BABAM2: variants seen among roughly 807,000 people sequenced by gnomAD.
BABAM2 encodes the protein BRISC and BRCA1-A complex member 2.
Under a neutral mutation model 54.7 loss-of-function variants are expected in BABAM2, and 31 were observed. That is an observed-to-expected ratio of 0.57 (90% CI 0.43 to 0.77). The LOEUF is 0.77. Among genes scored for constraint, BABAM2 ranks in the 30% least tolerant of loss-of-function variants. BABAM2 has a pLI of 0.00. For synonymous variants in BABAM2, 167 were observed against 162.9 expected (o/e 1.03, Z -0.19); for missense variants, 364 against 455.8 (o/e 0.80, Z 1.83).
rs546002142 is a variant in BABAM2, at chr2:28,167,869, T to A, written c.680+38489T>A. Among the ~76,000 whole-genome samples, 28 of 152,250 alleles carry A rather than the reference T, an allele frequency of 1.8e-4. No homozygotes were observed. The East Asian group carries it at 5.4e-3, about 29-fold the overall frequency. ...AATCATGATGTTCAGATGCTAAGTGTTTTTCCTGCACTCTCATTTAATCTG... is the reference window on the plus strand; with the variant it reads ...AATCATGATGTTCAGATGCTAAGTGATTTTCCTGCACTCTCATTTAATCTG... On this transcript the variant is annotated intron_variant, in intron 7 of 11. Coordinates refer to ENST00000379624, the MANE Select transcript of BABAM2 (RefSeq NM_199191.3).
At chr2:28,182,386 T>C (rs914165595) in intron 7 of BABAM2, among the ~76,000 whole-genome samples, 5 of 152,222 alleles carry the variant, frequency 3.3e-5, no homozygotes, top group African/African-American at 1.2e-4. Context: ...AGAGCCACTC[T>C]CCTGGGGATC....
At chr2:28,177,769 A>T (rs977604098) in intron 7 of BABAM2, among the ~76,000 whole-genome samples, 4 of 152,090 alleles carry the variant, frequency 2.6e-5, no homozygotes, top group African/African-American at 9.7e-5. Flanking sequence ...GGTAAGACAT[A>T]TATAGACTGA....
intron 2 of BABAM2, among the ~76,000 whole-genome samples, chr2:27,904,098 G>T (rs945213432): frequency 6.6e-6 from 1 of 152,158 alleles, no homozygotes; most frequent in Non-Finnish European, 1.5e-5. Flanking sequence ...AGTTATGCTG[G>T]ACAGAGGGAT....
chr2:28,278,537 C>T (rs1297202267), intron 10 of BABAM2, among the ~76,000 whole-genome samples: 1 of 152,008 alleles, frequency 6.6e-6, no homozygotes, highest in Non-Finnish European at 1.5e-5. Flanking sequence ...GTACCAGAAT[C>T]TGGAGGAAAG....
At chr2:27,977,968 A>G (rs1458380885) in intron 3 of BABAM2, among the ~76,000 whole-genome samples, 1 of 152,238 alleles carries the variant, frequency 6.6e-6, no homozygotes, top group Non-Finnish European at 1.5e-5. Context: ...ATTAAATTTC[A>G]GTGTAAGGAC....
intron 11 of BABAM2, chr2:28,309,305 T>C (rs956951574): frequency 6.6e-6 from 1 of 152,208 alleles, no homozygotes; most frequent in African/African-American, 2.4e-5. Flanking sequence ...ATCCCTCTTA[T>C]ATTTTGAATC....
chr2:28,327,273 G>GAT (rs763070417), intron 11 of BABAM2: 32 of 1,600,898 alleles, frequency 2.0e-5, no homozygotes, highest in Non-Finnish European at 2.7e-5. Context: ...TGCTGCACCA[G>GAT]GGGATGCCAA....
intron 7 of BABAM2, among the ~76,000 whole-genome samples, chr2:28,194,847 A>G (rs1232936005): frequency 6.6e-6 from 1 of 152,138 alleles, no homozygotes; most frequent in Non-Finnish European, 1.5e-5. Context: ...GGTGTGAGCC[A>G]CTGTTACTTG....
rs750411002 is a variant in BABAM2 at position 27,995,669 on chromosome 2, T to TCCCGCCTC, written c.300+7586_300+7587insCCTCCCCG. The stretch of plus-strand genomic sequence containing the variant: ...ATCTCGGCTCACTGCAAGCTCCGCC[T>TCCCGCCTC]CCCGGGTTCACGCCATTCTCCTGCC... On this transcript the variant is annotated intron_variant, in intron 4 of 11. Coordinates refer to ENST00000379624, the MANE Select transcript of BABAM2 (RefSeq NM_199191.3). This position sits in a 1 kb window ranked among gnomAD's most constrained non-coding sequence, Gnocchi z 4.1. Among the ~76,000 whole-genome samples the TCCCGCCTC allele has an allele frequency of 3.9e-5, 6 of 152,140 alleles. No individual in the cohort carries two copies. Among genetic ancestry groups the TCCCGCCTC allele is most frequent in the Non-Finnish European group, 8.8e-5 (6 of 68,012 alleles).
chr2:28,014,068 C>T (rs1014877514), intron 4 of BABAM2, among the ~76,000 whole-genome samples: 3 of 152,088 alleles, frequency 2.0e-5, no homozygotes, highest in African/African-American at 7.2e-5. Flanking sequence ...CTTTTCTTCA[C>T]GTTTTTGTGA....
chr2:27,911,711 C>G (rs1319181060), intron 2 of BABAM2, among the ~76,000 whole-genome samples: 1 of 152,102 alleles, frequency 6.6e-6, no homozygotes, highest in Non-Finnish European at 1.5e-5. Flanking sequence ...TCATCCATTT[C>G]TCTCTCTCAG....
At chr2:28,174,472 G>A (rs2147860218) in intron 7 of BABAM2, among the ~76,000 whole-genome samples, 1 of 152,340 alleles carries the variant, frequency 6.6e-6, no homozygotes, top group South Asian at 2.1e-4. Flanking sequence ...GAATCTAGGA[G>A]AGAACACTGG....
chr2:28,234,736 G>A (rs1339473441), intron 7 of BABAM2, among the ~76,000 whole-genome samples: 1 of 152,152 alleles, frequency 6.6e-6, no homozygotes, highest in Non-Finnish European at 1.5e-5. Flanking sequence ...TTCTTGCACT[G>A]TGGATTATTT....
At chr2:28,306,371 C>T (rs1408853093) in intron 11 of BABAM2, among the ~76,000 whole-genome samples, 1 of 152,154 alleles carries the variant, frequency 6.6e-6, no homozygotes, top group East Asian at 1.9e-4. Context: ...TCCCCTTCTG[C>T]TAATTTTTAC....
At chr2:28,076,683 T>C (rs948611749) in intron 6 of BABAM2, among the ~76,000 whole-genome samples, 1 of 151,956 alleles carries the variant, frequency 6.6e-6, no homozygotes, top group Non-Finnish European at 1.5e-5. Context: ...TTGTTTTGTA[T>C]TTTTAGTAGA....
intron 4 of BABAM2, among the ~76,000 whole-genome samples, chr2:28,005,812 G>C (rs1454101832): frequency 6.6e-6 from 1 of 151,964 alleles, no homozygotes; most frequent in Admixed American, 6.6e-5. Context: ...TCATAATCTT[G>C]TTTCATCTAT....
At chr2:27,897,612 C>T (rs1394333420) in intron 2 of BABAM2, among the ~76,000 whole-genome samples, 4 of 151,518 alleles carry the variant, frequency 2.6e-5, no homozygotes, top group South Asian at 2.1e-4. Flanking sequence ...CTTAGATAAG[C>T]CAGGGATTGG....
intron 11 of BABAM2, among the ~76,000 whole-genome samples, chr2:28,332,289 C>T (rs578015821): frequency 6.6e-6 from 1 of 152,176 alleles, no homozygotes; most frequent in East Asian, 1.9e-4. Context: ...GCACGTGGAT[C>T]CCGGAACTTT....
chr2:28,102,990 C>T (rs548947159), intron 6 of BABAM2, among the ~76,000 whole-genome samples: 19 of 152,090 alleles, frequency 1.2e-4, no homozygotes, highest in East Asian at 9.6e-4. Context: ...AATCTATAAA[C>T]GGCCTATAGT....
Sources: gnomAD v4.1 joint callset for allele counts (sites outside exome capture counted in the v4.1 genomes callset) on GRCh38, gnomAD v4.1.1 for gene constraint, Gnocchi (gnomAD v3.1) non-coding constraint, MANE v1.5 for transcripts, NCBI Gene and HGNC (gene_info 2026-07-23, HGNC 2026-07-21) for gene names.